Variants in ANKRD6 observed in about 807,000 individuals in gnomAD.
ANKRD6 encodes the protein ankyrin repeat domain-containing protein 6.
ANKRD6 carries 56 observed loss-of-function variants against 82.3 expected under a neutral mutation model. The observed-to-expected ratio is 0.68, with a 90% CI of 0.55 to 0.85. The LOEUF is 0.85. Among genes scored for constraint, ANKRD6 ranks in the 40% least tolerant of loss-of-function variants. The pLI, the probability that ANKRD6 is intolerant of heterozygous loss-of-function variation, is 0.00. For synonymous variants in ANKRD6, 347 were observed against 352.1 expected (o/e 0.99, Z 0.16); for missense variants, 852 against 907.6 (o/e 0.94, Z 0.79).
At chr6:89,542,465 T>A (rs1230853087) in intron 1 of ANKRD6, among the ~76,000 whole-genome samples, 1 of 152,212 alleles carries the variant, frequency 6.6e-6, no homozygotes, top group Non-Finnish European at 1.5e-5. Context: ...TATGGGATAC[T>A]TTTAGAAAGG....
At chr6:89,600,587 C>A (rs1021950205) in intron 3 of ANKRD6, among the ~76,000 whole-genome samples, 10 of 152,140 alleles carry the variant, frequency 6.6e-5, no homozygotes, top group African/African-American at 2.4e-4. Context: ...ACCCTGAAAG[C>A]GTGAGCTGCA....
intron 1 of ANKRD6, among the ~76,000 whole-genome samples, chr6:89,528,381 C>T (rs146829976): frequency 1.5e-3 from 231 of 152,348 alleles, no homozygotes; most frequent in African/African-American, 5.4e-3. Context: ...TTTCTTTGCT[C>T]ATCCGTAAGA....
At chr6:89,445,081 C>T (rs1038990820) in intron 1 of ANKRD6, among the ~76,000 whole-genome samples, 7 of 152,160 alleles carry the variant, frequency 4.6e-5, no homozygotes, top group East Asian at 3.9e-4. Context: ...TTTGCAGATA[C>T]GTGTTTTTCA....
intron 7 of ANKRD6, among the ~76,000 whole-genome samples, chr6:89,614,279 A>AG (rs1370699331): frequency 6.6e-6 from 1 of 152,166 alleles, no homozygotes; most frequent in Admixed American, 6.5e-5. Context: ...CCAAGGCAGG[A>AG]GGATCACTTG....
At chr6:89,623,645 G>A (rs1267107244) in intron 11 of ANKRD6, 101 bp downstream of exon 11, 1 of 1,478,148 alleles carries the variant, frequency 6.8e-7, no homozygotes, top group African/African-American at 1.4e-5. Flanking sequence ...CCACTCACTT[G>A]GCTGGCTGGT....
At chr6:89,435,577 C>A (rs141557228) in intron 1 of ANKRD6, among the ~76,000 whole-genome samples, 1 of 152,084 alleles carries the variant, frequency 6.6e-6, no homozygotes, top group South Asian at 2.1e-4. Flanking sequence ...GTCTCAAAGT[C>A]GGGGGATCTT....
At chr6:89,544,453 C>T (rs1399736882) in intron 1 of ANKRD6, among the ~76,000 whole-genome samples, 11 of 152,236 alleles carry the variant, frequency 7.2e-5, no homozygotes, top group Non-Finnish European at 1.2e-4. Flanking sequence ...CAGTGGCTCA[C>T]GCCTGTAATC....
intron 1 of ANKRD6, among the ~76,000 whole-genome samples, chr6:89,518,856 C>T (rs561868701): frequency 6.6e-6 from 1 of 152,288 alleles, no homozygotes; most frequent in Admixed American, 6.5e-5. Flanking sequence ...AAATGACAAA[C>T]AGAAATGTGT....
intron 5 of ANKRD6, among the ~76,000 whole-genome samples, chr6:89,609,933 A>G (rs1398511524): frequency 6.6e-6 from 1 of 152,102 alleles, no homozygotes; most frequent in Non-Finnish European, 1.5e-5. Context: ...GTGTAAATAA[A>G]ATGGCTTCAG....
At chr6:89,461,436 G>A in intron 1 of ANKRD6, among the ~76,000 whole-genome samples, 1 of 152,142 alleles carries the variant, frequency 6.6e-6, no homozygotes, top group Non-Finnish European at 1.5e-5. Context: ...TGCGCTGTTT[G>A]TAGGAAGTTA....
intron 3 of ANKRD6, among the ~76,000 whole-genome samples, chr6:89,596,747 G>T (rs1017455240): frequency 1.3e-5 from 2 of 152,180 alleles, no homozygotes; most frequent in African/African-American, 2.4e-5. Context: ...GCCCTACTGG[G>T]TCTTTGGAGA....
intron 1 of ANKRD6, among the ~76,000 whole-genome samples, chr6:89,494,065 T>C (rs907528346): frequency 6.6e-6 from 1 of 151,794 alleles, no homozygotes; most frequent in Middle Eastern, 3.4e-3. Flanking sequence ...CACAAGTGAG[T>C]AGGAGGACCA....
chr6:89,455,287 G>A (rs1319052376), intron 1 of ANKRD6, among the ~76,000 whole-genome samples: 1 of 152,092 alleles, frequency 6.6e-6, no homozygotes, highest in Non-Finnish European at 1.5e-5. Flanking sequence ...GGCTGTACAG[G>A]AAGCATGGTG....
chr6:89,514,455 A>G (rs1181252908), intron 1 of ANKRD6, among the ~76,000 whole-genome samples: 6 of 152,012 alleles, frequency 3.9e-5, no homozygotes, highest in Non-Finnish European at 8.8e-5. Context: ...GTGTTAGTGT[A>G]TTTTATATGT....
chr6:89,623,662 C>T, intron 11 of ANKRD6, 118 bp downstream of exon 11: 1 of 1,420,232 alleles, frequency 7.0e-7, no homozygotes, highest in Non-Finnish European at 9.4e-7. Flanking sequence ...TGGTTTGGAG[C>T]CAGAGCACAG....
chr6:89,605,052 A>G (rs1798181954), intron 4 of ANKRD6, among the ~76,000 whole-genome samples: 1 of 152,008 alleles, frequency 6.6e-6, no homozygotes, highest in African/African-American at 2.4e-5. Context: ...TAGTAAGCTA[A>G]GCAAATACGA....
intron 6 of ANKRD6, among the ~76,000 whole-genome samples, 198 bp downstream of exon 6, chr6:89,612,568 G>A (rs1800494564): frequency 1.3e-5 from 2 of 152,144 alleles, no homozygotes; most frequent in African/African-American, 4.8e-5. Flanking sequence ...AAAAGACTTG[G>A]AAATACTGCT....
intron 13 of ANKRD6, 48 bp from the exon 14 acceptor site, chr6:89,627,535 C>A (rs766034933): frequency 6.4e-7 from 1 of 1,573,646 alleles, no homozygotes; most frequent in Non-Finnish European, 8.7e-7. Flanking sequence ...AGCCAGGGCT[C>A]ACCCTGAGAT....
At position 89,559,557 on chromosome 6, in the gene ANKRD6, A is replaced by G. The variant is rs561593382; in HGVS notation, c.-143-7277A>G. Reference sequence around the variant, plus strand: ...ATCAGAGCAGATTTAAGCAATGGGTAGAAATTGAGATTTGAGTACATAGAA... The same window carrying G: ...ATCAGAGCAGATTTAAGCAATGGGTGGAAATTGAGATTTGAGTACATAGAA... On this transcript the variant is annotated intron_variant, in intron 1 of 15. Transcript: ENST00000339746. Among the ~76,000 whole-genome samples, 4 of 152,384 alleles carry G rather than the reference A, an allele frequency of 2.6e-5. No homozygotes were observed. In the South Asian group the frequency reaches 8.3e-4, roughly 32 times the overall value.
Sources: gnomAD v4.1 joint callset for allele counts (sites outside exome capture counted in the v4.1 genomes callset) on GRCh38, gnomAD v4.1.1 for gene constraint, MANE v1.5 for transcripts, NCBI Gene and HGNC (gene_info 2026-07-23, HGNC 2026-07-21) for gene names.